TNKS: variants seen among roughly 807,000 people sequenced by gnomAD.
TNKS encodes the protein tankyrase.
In TNKS, 72 loss-of-function variants were observed where a neutral mutation model predicts 135.8. That is an observed-to-expected ratio of 0.53 (90% confidence interval 0.44 to 0.64). The LOEUF (loss-of-function observed/expected upper bound fraction) is 0.64. Ranked by LOEUF, TNKS falls within the 30% of genes least tolerant of loss-of-function variation. The pLI, the probability that TNKS is intolerant of heterozygous loss-of-function variation, is 0.00. For synonymous variants in TNKS, 849 were observed against 649.3 expected (o/e 1.31, Z -4.68); for missense variants, 1,769 against 1,674.0 (o/e 1.06, Z -0.99).
rs1322270848 is a variant in TNKS, at chr8:9,777,382, G to C, written c.*646G>C. The stretch of plus-strand genomic sequence containing the variant: ...GCTGCACTTCTCGTTATCATAAATT[G>C]AGATGAAAAGGAAAAAACATCAAGT... On this transcript the variant is annotated 3_prime_UTR_variant, in exon 27 of 27. Coordinates refer to ENST00000310430, the MANE Select transcript of TNKS (RefSeq NM_003747.3). 6.6e-6 allele frequency: 1 copy of C among 152,306 alleles called. No individual in the cohort carries two copies. Among genetic ancestry groups the C allele is most frequent in the African/African-American group, 2.4e-5 (1 of 41,414 alleles). The allele number at this position is 152,306 out of a possible 1,614,324, so 9.4% of individuals were successfully genotyped here.
chr8:9,591,487 T>C (rs1412890599), intron 2 of TNKS, among the ~76,000 whole-genome samples: 1 of 152,266 alleles, frequency 6.6e-6, no homozygotes, highest in African/African-American at 2.4e-5. Flanking sequence ...CATTGGACTG[T>C]AAAAGAAGCT....
Position 9,777,028 on chromosome 8 carries a change from G to C in TNKS, c.*292G>C. The stretch of plus-strand genomic sequence containing the variant: ...ACAAGATTGCTTCGATCTAGACTTG[G>C]AAATGGAAAATAAGAAAACCAATGC... On this transcript the variant is annotated 3_prime_UTR_variant, in exon 27 of 27. Coordinates refer to ENST00000310430, the MANE Select transcript of TNKS (RefSeq NM_003747.3). 2.8e-6 allele frequency: 1 copy of C among 353,978 alleles called. No homozygotes were observed. The highest frequency in any genetic ancestry group is 5.2e-6 in the Non-Finnish European group (1 of 192,768). The allele number at this position is 353,978 out of a possible 1,614,324, so 21.9% of individuals were successfully genotyped here.
chr8:9,768,504 G>A (rs554514574), intron 25 of TNKS, among the ~76,000 whole-genome samples: 13 of 152,324 alleles, frequency 8.5e-5, no homozygotes, highest in African/African-American at 2.9e-4. Flanking sequence ...AGGCTGCTGC[G>A]TCTGCAGAAT....
chr8:9,655,977 A>G (rs1801348588), intron 3 of TNKS, among the ~76,000 whole-genome samples: 2 of 152,234 alleles, frequency 1.3e-5, no homozygotes, highest in African/African-American at 4.8e-5. Context: ...CCGATGGCAA[A>G]GAAGTTAAAA....
chr8:9,576,534 G>A (rs140314042), intron 1 of TNKS, among the ~76,000 whole-genome samples: 10,193 of 149,502 alleles, frequency 0.068, 1,182 homozygotes, highest in African/African-American at 0.24. Context: ...GCAGTGGGGC[G>A]ATCTCGGCTC....
intron 23 of TNKS, among the ~76,000 whole-genome samples, chr8:9,765,295 G>C (rs1807368122): frequency 6.6e-6 from 1 of 152,078 alleles, no homozygotes; most frequent in African/African-American, 2.4e-5. Flanking sequence ...AACCCTTTGA[G>C]TTAACAGACC....
At chr8:9,677,162 G>A (rs1802576675) in intron 3 of TNKS, among the ~76,000 whole-genome samples, 1 of 152,082 alleles carries the variant, frequency 6.6e-6, no homozygotes, top group Admixed American at 6.6e-5. Flanking sequence ...GTGGTCCTTG[G>A]GCACCAGATA....
intron 1 of TNKS, among the ~76,000 whole-genome samples, chr8:9,578,476 A>T (rs1040601700): frequency 3.3e-5 from 5 of 152,232 alleles, no homozygotes; most frequent in African/African-American, 9.6e-5. Flanking sequence ...TAAAATTATC[A>T]GCTTAATTTT....
chr8:9,776,131 T>C (rs1332260783), intron 26 of TNKS, among the ~76,000 whole-genome samples: 1 of 152,198 alleles, frequency 6.6e-6, no homozygotes. Context: ...AATGATGCCT[T>C]TGAGTAGTCA....
rs1449851911 is a variant in TNKS, at chr8:9,566,835, C to T, written c.673+10223C>T. Among the ~76,000 whole-genome samples, 4 of 151,850 alleles carry T rather than the reference C, an allele frequency of 2.6e-5. No homozygotes were observed. In the East Asian group the frequency reaches 5.8e-4, roughly 22 times the overall value. ...TTGTTAGCCAGGATGGTCTCGATCT[C>T]CTGCCCTCATGATCCACCCGCCTCG... On this transcript the variant is annotated intron_variant, in intron 1 of 26. Coordinates refer to ENST00000310430, the MANE Select transcript of TNKS (RefSeq NM_003747.3).
At chr8:9,601,058 A>G (rs867764214) in intron 2 of TNKS, among the ~76,000 whole-genome samples, 6 of 152,368 alleles carry the variant, frequency 3.9e-5, no homozygotes, top group African/African-American at 1.4e-4. Flanking sequence ...CATATTAAAC[A>G]GCATGCATAA....
At chr8:9,683,142 G>C (rs1018699854) in intron 5 of TNKS, among the ~76,000 whole-genome samples, 3 of 152,000 alleles carry the variant, frequency 2.0e-5, no homozygotes, top group Non-Finnish European at 4.4e-5. Context: ...TTACGGCACA[G>C]AGTAATTCTT....
intron 3 of TNKS, among the ~76,000 whole-genome samples, chr8:9,642,226 C>T (rs1800756493): frequency 6.8e-6 from 1 of 146,172 alleles, no homozygotes; most frequent in African/African-American, 2.5e-5. Context: ...TCAATTAAAC[C>T]ACATTTACTC....
In TNKS at chr8:9,746,881, C is replaced by CTTTTTTTTTT. The variant is rs10672387; in HGVS notation, c.2644-1133_2644-1124dup. Among the ~76,000 whole-genome samples, 35 of 117,184 alleles carry CTTTTTTTTTT rather than the reference C, an allele frequency of 3.0e-4. 3 individuals carry two copies. The highest frequency in any genetic ancestry group is 9.1e-4 in the African/African-American group (25 of 27,536). 76.9% of individuals were successfully genotyped at this position (117,184 alleles called of 152,430 possible). A position where few individuals can be genotyped will look rare whatever the true frequency, so the allele number is the denominator to read the frequency against. On this transcript the variant is annotated intron_variant, in intron 17 of 26. Coordinates refer to ENST00000310430, the MANE Select transcript of TNKS (RefSeq NM_003747.3). ...TCTGAGAGTTTCATACCTACTTAAA[C>CTTTTTTTTTT]TTTTTTTTTTTTTTTTTTTGAGACG...
chr8:9,663,494 G>A (rs187298075), intron 3 of TNKS, among the ~76,000 whole-genome samples: 1 of 152,186 alleles, frequency 6.6e-6, no homozygotes, highest in Non-Finnish European at 1.5e-5. Flanking sequence ...TCTTCCAACA[G>A]CAGTTAGGTG....
At chr8:9,750,066 G>A (rs1044620485) in intron 18 of TNKS, among the ~76,000 whole-genome samples, 2 of 152,206 alleles carry the variant, frequency 1.3e-5, no homozygotes, top group Non-Finnish European at 2.9e-5. Context: ...TGGAATCCAA[G>A]TAAAGGTGCA....
rs369083593 is a variant in TNKS at position 9,665,687 on chromosome 8, A to G, written c.995-14264A>G. Among the ~76,000 whole-genome samples, 10 of 152,296 alleles carry G rather than the reference A, an allele frequency of 6.6e-5. No homozygotes were observed. The East Asian group carries it at 1.5e-3, about 23-fold the overall frequency. On this transcript the variant is annotated intron_variant, in intron 3 of 26. Coordinates refer to ENST00000310430, the MANE Select transcript of TNKS (RefSeq NM_003747.3). ...CATAATAACCTTGTGCTGCCTTTTC[A>G]GGAGTCACTGTTAACCTCTACTGGT...
At position 9,562,138 on chromosome 8, in the gene TNKS, T is replaced by A. The variant is rs1047118716; in HGVS notation, c.673+5526T>A. 2.0e-5 allele frequency among the ~76,000 whole-genome samples: 3 copies of A among 152,210 alleles called. No homozygotes were observed. The South Asian group carries it at 6.2e-4, about 32-fold the overall frequency. On this transcript the variant is annotated intron_variant, in intron 1 of 26. Coordinates refer to ENST00000310430, the MANE Select transcript of TNKS (RefSeq NM_003747.3). ...GGCCTTATATATCTTTTATGAAGTTTTGTCCTTTTTTTTTCTACTGGGCAC... is the reference window on the plus strand; with the variant it reads ...GGCCTTATATATCTTTTATGAAGTTATGTCCTTTTTTTTTCTACTGGGCAC...
At chr8:9,566,577 C>G (rs947381935) in intron 1 of TNKS, 3 of 147,180 alleles carry the variant, frequency 2.0e-5, no homozygotes, top group Middle Eastern at 3.3e-3. Context: ...TATTAATCCT[C>G]GTATATTAGC....
Sources: allele counts gnomAD v4.1 joint callset (sites outside exome capture counted in the v4.1 genomes callset), GRCh38; gene constraint gnomAD v4.1.1; transcripts MANE v1.5; gene names NCBI Gene and HGNC (gene_info 2026-07-23, HGNC 2026-07-21).